Variants in AGO1 observed in about 807,000 individuals in gnomAD.
AGO1 encodes protein argonaute-1.
AGO1 carries 11 observed loss-of-function variants against 109.2 expected under a neutral mutation model. The ratio of observed to expected loss-of-function variants is 0.10; its 90% CI spans 0.06 to 0.17. The LOEUF (loss-of-function observed/expected upper bound fraction) is 0.17. Among genes scored for constraint, AGO1 ranks in the 10% least tolerant of loss-of-function variants. The pLI, the probability that AGO1 is intolerant of heterozygous loss-of-function variation, is 1.00. For missense variants in AGO1, 574 were observed against 1,140.3 expected (o/e 0.50, Z 7.15); for synonymous variants, 422 against 418.6 (o/e 1.01, Z -0.10).
At chr1:35,878,326 C>A (rs976606189), upstream of AGO1, among the ~76,000 whole-genome samples, 1 of 151,818 alleles carries the variant, frequency 6.6e-6, no homozygotes, top group African/African-American at 2.4e-5. Context: ...ATCTCATGAT[C>A]CTCCCGGCTC....
At chr1:35,902,119 TG>T (rs1253034065) in intron 10 of AGO1, 49 bp downstream of exon 10, 1 of 1,584,398 alleles carries the variant, frequency 6.3e-7, no homozygotes, top group Non-Finnish European at 8.6e-7. Context: ...TGGGGGTGGT[TG>T]GGTTGTATAG....
intron 7 of AGO1, 68 bp downstream of exon 7, chr1:35,894,470 C>T (rs1222341962): frequency 2.2e-6 from 3 of 1,364,862 alleles, no homozygotes; most frequent in East Asian, 2.7e-5. Context: ...AACTATCTTT[C>T]CCTCCCTCCC....
chr1:35,914,920 C>A (rs1645707809), intron 14 of AGO1, among the ~76,000 whole-genome samples: 1 of 152,138 alleles, frequency 6.6e-6, no homozygotes, highest in African/African-American at 2.4e-5. Context: ...ACCACAAGAA[C>A]ACTGTTACTA....
At position 35,902,318 on chromosome 1, in the gene AGO1, T is replaced by G; in HGVS notation, c.1378T>G (p.Cys460Gly). Residue 460 changes from cysteine (C) to glycine (G), a missense_variant, in exon 11 of 19, where the codon TGT becomes GGT. Physicochemically the swap from Cys to Gly is radical, Grantham distance 159. This residue lies in a region of AGO1 where 106 missense variants were observed against 147.8 expected (regional missense o/e 0.72). Coordinates refer to ENST00000373204, the MANE Select transcript of AGO1 (RefSeq NM_012199.5). The stretch of plus-strand genomic sequence containing the variant: ...CGCCTGCTTCGCACCCCAAAAACAG[T>G]GTCGAGAAGAGGTGCTCAAGTAAGG... Reference protein sequence around the residue: ...AIACFAPQKQCREEVLKNFTD... With the variant: ...AIACFAPQKQGREEVLKNFTD... 1 of 1,613,852 alleles carries G rather than the reference T, an allele frequency of 6.2e-7. No individual in the cohort carries two copies. The highest frequency in any genetic ancestry group is 8.5e-7 in the Non-Finnish European group (1 of 1,179,940).
Position 35,919,528 on chromosome 1 carries a change from G to C in AGO1, c.2495G>C (p.Ser832Thr), listed in dbSNP as rs772641687. Residue 832 changes from serine (S) to threonine (T), a missense_variant, in exon 19 of 19, where the codon AGC becomes ACC. By Grantham distance (58) the Ser-to-Thr change is moderately conservative. Coordinates refer to ENST00000373204, the MANE Select transcript of AGO1 (RefSeq NM_012199.5). The surrounding 1 kb of genome is among the most constrained non-coding windows in gnomAD (Gnocchi z 6.6). Reference protein sequence around the residue: ...SGEGSHISGQSNGRDPQALAK... With the variant: ...SGEGSHISGQTNGRDPQALAK... ...GAGGGGAGCCACATATCGGGGCAGA[G>C]CAATGGGCGGGACCCCCAGGCCCTG... 6.2e-7 allele frequency: 1 copy of C among 1,614,108 alleles called. No individual in the cohort carries two copies. The highest frequency in any genetic ancestry group is 1.7e-5 in the Admixed American group (1 of 60,014).
At position 35,901,560 on chromosome 1, in the gene AGO1, C is replaced by T. The variant is rs758791735; in HGVS notation, c.1107C>T (p.Ser369=). The T allele has an allele frequency of 2.9e-5, 46 of 1,614,034 alleles. 1 individual carries two copies. Among genetic ancestry groups the T allele is most frequent in the South Asian group, 2.4e-4 (22 of 91,084 alleles). Residue 369 remains serine, a synonymous_variant, in exon 9 of 19, where the codon TCC becomes TCT. Transcript: ENST00000373204. This position sits in a 1 kb window ranked among gnomAD's most constrained non-coding sequence, Gnocchi z 4.8. ...CCATGATAAAGGCCACAGCTAGATC[C>T]GCTCCAGACAGACAGGAGGAGATCA... ...TSTMIKATAR[S]APDRQEEISR...
At chr1:35,875,121 CAG>C (rs1644982630) in intron 1 of AGO1, among the ~76,000 whole-genome samples, 1 of 152,226 alleles carries the variant, frequency 6.6e-6, no homozygotes, top group Admixed American at 6.5e-5. Flanking sequence ...CACTGAACAA[CAG>C]AGTTTCAGTG....
chr1:35,890,141 G>C (rs1321939207), intron 2 of AGO1, among the ~76,000 whole-genome samples: 1 of 151,930 alleles, frequency 6.6e-6, no homozygotes, highest in Admixed American at 6.6e-5. Flanking sequence ...TTCTGCCTCA[G>C]CCTCCCTAGT....
chr1:35,882,917 A>G (rs966706055), upstream of AGO1: 6 of 984,582 alleles, frequency 6.1e-6, no homozygotes, highest in Non-Finnish European at 7.2e-6. This position sits in a 1 kb window ranked among gnomAD's most constrained non-coding sequence, Gnocchi z 5.1. Flanking sequence ...GCTCGGTGCG[A>G]CAGGCGGGGG....
chr1:35,875,366 A>G (rs532458688), intron 1 of AGO1, among the ~76,000 whole-genome samples: 1 of 151,980 alleles, frequency 6.6e-6, no homozygotes, highest in East Asian at 1.9e-4. Flanking sequence ...GGAACAACAA[A>G]GCCTGGATGA....
intron 8 of AGO1, among the ~76,000 whole-genome samples, chr1:35,897,651 G>A (rs1455071863): frequency 6.6e-6 from 1 of 152,050 alleles, no homozygotes; most frequent in Non-Finnish European, 1.5e-5. Flanking sequence ...AGGCTGAGGT[G>A]GAAGCATTGC....
At chr1:35,880,952 G>A (rs1326122710), upstream of AGO1, among the ~76,000 whole-genome samples, 2 of 152,164 alleles carry the variant, frequency 1.3e-5, no homozygotes, top group East Asian at 1.9e-4. Flanking sequence ...GAACCACTGT[G>A]CCCGGCCACT....
intron 11 of AGO1, 86 bp from the exon 12 acceptor site, chr1:35,906,849 G>T: frequency 8.2e-5 from 84 of 1,020,602 alleles, no homozygotes; most frequent in Non-Finnish European, 1.1e-4. Context: ...GCCTCTTATA[G>T]TGCTAAGCAC....
chr1:35,891,013 A>G (rs1645208285), intron 2 of AGO1, among the ~76,000 whole-genome samples: 1 of 152,202 alleles, frequency 6.6e-6, no homozygotes, highest in Non-Finnish European at 1.5e-5. Flanking sequence ...GGCCTTGCGT[A>G]CTATCCTCTG....
chr1:35,908,896 G>A (rs1037635869), intron 12 of AGO1, among the ~76,000 whole-genome samples: 8 of 140,690 alleles, frequency 5.7e-5, no homozygotes, highest in East Asian at 4.4e-4. Context: ...TCAGCTCACC[G>A]CAACCTCCAC....
At chr1:35,877,459 T>C (rs1360937441) in intron 1 of AGO1, among the ~76,000 whole-genome samples, 1 of 152,200 alleles carries the variant, frequency 6.6e-6, no homozygotes, top group Non-Finnish European at 1.5e-5. Flanking sequence ...ATCTCTTCTA[T>C]GTAACCTACC....
rs1557632608 is a variant in AGO1, at chr1:35,927,719, G to A, written c.*8112G>A. 1 of 152,152 alleles carries A rather than the reference G, an allele frequency of 6.6e-6. No homozygotes were observed. Among genetic ancestry groups the A allele is most frequent in the Non-Finnish European group, 1.5e-5 (1 of 68,028 alleles). 9.4% of individuals were successfully genotyped at this position (152,152 alleles called of 1,614,324 possible). A position where few individuals can be genotyped will look rare whatever the true frequency, so the allele number is the denominator to read the frequency against. On this transcript the variant is annotated 3_prime_UTR_variant, in exon 19 of 19. Transcript: ENST00000373204. ...TGTCTACTAGCAAGAAAGGAGATAA[G>A]GGCTGTTGGATAAGCAGCATCTGGT...
rs1645819519 is a variant in AGO1, at chr1:35,920,846, G to A, written c.*1239G>A. The A allele has an allele frequency of 6.6e-6, 1 of 152,572 alleles. No individual in the cohort carries two copies. Among genetic ancestry groups the A allele is most frequent in the Non-Finnish European group, 1.5e-5 (1 of 67,994 alleles). 9.5% of individuals were successfully genotyped at this position (152,572 alleles called of 1,614,324 possible). ...CTCTTAGGTCTAAAATGAGAAAAAA[G>A]AGAGAAAACAAAATGTTATTTTTAT... On this transcript the variant is annotated 3_prime_UTR_variant, in exon 19 of 19. Coordinates refer to ENST00000373204, the MANE Select transcript of AGO1 (RefSeq NM_012199.5).
intron 12 of AGO1, among the ~76,000 whole-genome samples, chr1:35,908,508 G>A (rs555042031): frequency 6.6e-6 from 1 of 152,254 alleles, no homozygotes; most frequent in Admixed American, 6.5e-5. Flanking sequence ...CTCTCTTCAA[G>A]AGTTTATTGA....
Sources: gnomAD v4.1 joint callset for allele counts (sites outside exome capture counted in the v4.1 genomes callset) on GRCh38, gnomAD v4.1.1 for gene constraint, gnomAD v4.1.1 regional missense constraint, Gnocchi (gnomAD v3.1) non-coding constraint, MANE v1.5 for transcripts, NCBI Gene and HGNC (gene_info 2026-07-23, HGNC 2026-07-21) for gene names.